Variants in ETV6 observed in about 807,000 individuals in gnomAD.
ETV6 encodes the protein ETS variant transcription factor 6, also known as transcription factor ETV6.
A neutral mutation model predicts 51.1 loss-of-function variants in ETV6; 16 were observed. The observed-to-expected ratio is 0.31, with a 90% CI of 0.21 to 0.48. The LOEUF (loss-of-function observed/expected upper bound fraction) is 0.48. Ranked by LOEUF, ETV6 falls within the 20% of genes least tolerant of loss-of-function variation. ETV6 has a pLI of 0.99. For synonymous variants in ETV6, 240 were observed against 224.1 expected, an observed-to-expected ratio of 1.07 and a Z score of -0.64; for missense variants, 458 against 594.8, an observed-to-expected ratio of 0.77 and a Z score of 2.39.
chr12:11,722,908 G>A (rs754065569), intron 1 of ETV6, among the ~76,000 whole-genome samples: 18 of 152,178 alleles, frequency 1.2e-4, no homozygotes, highest in Non-Finnish European at 1.6e-4. Flanking sequence ...TTGCTGGGCC[G>A]TTCTCTCAGA....
chr12:11,839,605 C>T (rs898034593), intron 3 of ETV6, among the ~76,000 whole-genome samples: 3 of 152,138 alleles, frequency 2.0e-5, no homozygotes, highest in Admixed American at 6.5e-5. Context: ...GAAGGCTGGC[C>T]GTGGTGGCTC....
At position 11,800,948 on chromosome 12, in the gene ETV6, T is replaced by C. The variant is rs571531091; in HGVS notation, c.164-38192T>C. ...CAAGAATTAAAAAGCAAGAATAGTTTGCAGCAAACATTTTCTGAGACTTTT... is the reference window on the plus strand; with the variant it reads ...CAAGAATTAAAAAGCAAGAATAGTTCGCAGCAAACATTTTCTGAGACTTTT... On this transcript the variant is annotated intron_variant, in intron 2 of 7. Transcript: ENST00000396373. Among the ~76,000 whole-genome samples, 5 of 152,306 alleles carry C rather than the reference T, an allele frequency of 3.3e-5. 1 individual carries two copies. In the South Asian group the frequency reaches 8.3e-4, roughly 25 times the overall value.
intron 4 of ETV6, among the ~76,000 whole-genome samples, chr12:11,862,185 A>G (rs1946727159): frequency 6.6e-6 from 1 of 152,184 alleles, no homozygotes; most frequent in African/African-American, 2.4e-5. Flanking sequence ...GAGCTTACCT[A>G]GGGTTTATTG....
chr12:11,722,375 T>C (rs1865404305), intron 1 of ETV6, among the ~76,000 whole-genome samples: 1 of 152,222 alleles, frequency 6.6e-6, no homozygotes, highest in African/African-American at 2.4e-5. Context: ...TCGCTTTGAA[T>C]AATTGAGTTA....
intron 1 of ETV6, among the ~76,000 whole-genome samples, chr12:11,732,340 T>G (rs1353229002): frequency 1.3e-5 from 2 of 152,106 alleles, no homozygotes; most frequent in African/African-American, 4.8e-5. Flanking sequence ...AAGTGTGATC[T>G]CAAATATTTC....
intron 1 of ETV6, among the ~76,000 whole-genome samples, chr12:11,735,905 G>A (rs1021365411): frequency 1.3e-5 from 2 of 152,202 alleles, no homozygotes; most frequent in Non-Finnish European, 2.9e-5. Context: ...CGGCCAGCTC[G>A]TCGCTTATTA....
intron 1 of ETV6, among the ~76,000 whole-genome samples, chr12:11,722,512 A>T (rs1444485441): frequency 6.6e-6 from 1 of 152,246 alleles, no homozygotes; most frequent in Non-Finnish European, 1.5e-5. Context: ...GGGGCACTGC[A>T]GCCTATTAAA....
chr12:11,736,812 C>T (rs1333917363), intron 1 of ETV6, among the ~76,000 whole-genome samples: 1 of 152,136 alleles, frequency 6.6e-6, no homozygotes, highest in Non-Finnish European at 1.5e-5. Context: ...ATCAGTAAGT[C>T]AGTAGATGGC....
At chr12:11,847,356 A>G (rs1013776861) in intron 3 of ETV6, among the ~76,000 whole-genome samples, 3 of 152,164 alleles carry the variant, frequency 2.0e-5, no homozygotes, top group Admixed American at 1.3e-4. Flanking sequence ...TACTTAGGAG[A>G]TCACGGAATG....
chr12:11,722,866 C>T (rs1456908456), intron 1 of ETV6, among the ~76,000 whole-genome samples: 1 of 152,210 alleles, frequency 6.6e-6, no homozygotes, highest in African/African-American at 2.4e-5. Flanking sequence ...TCTGGTGTTC[C>T]TCAGAATCAC....
At chr12:11,713,389 T>TTA (rs1479631220) in intron 1 of ETV6, among the ~76,000 whole-genome samples, 1 of 152,236 alleles carries the variant, frequency 6.6e-6, no homozygotes, top group Non-Finnish European at 1.5e-5. Flanking sequence ...TAAGATTAGA[T>TTA]TACTTGTTTT....
At chr12:11,689,253 G>A (rs1864698291) in intron 1 of ETV6, among the ~76,000 whole-genome samples, 1 of 152,076 alleles carries the variant, frequency 6.6e-6, no homozygotes, top group Non-Finnish European at 1.5e-5. Context: ...ATTTTATGCT[G>A]TTAGGGGATC....
At chr12:11,829,178 A>G (rs1946204312) in intron 2 of ETV6, among the ~76,000 whole-genome samples, 1 of 152,218 alleles carries the variant, frequency 6.6e-6, no homozygotes, top group Non-Finnish European at 1.5e-5. Context: ...CAGCTTCTGC[A>G]GCTCCAGGGA....
intron 2 of ETV6, among the ~76,000 whole-genome samples, chr12:11,795,410 C>CTT: frequency 6.6e-6 from 1 of 152,360 alleles, no homozygotes; most frequent in African/African-American, 2.4e-5. Flanking sequence ...AGAGCACCAG[C>CTT]TGTTCTGGCC....
At chr12:11,826,091 T>C (rs1189562424) in intron 2 of ETV6, among the ~76,000 whole-genome samples, 4 of 152,098 alleles carry the variant, frequency 2.6e-5, no homozygotes, top group Non-Finnish European at 4.4e-5. Context: ...TCACATTGGC[T>C]TCCCAAAGTG....
chr12:11,838,846 C>T (rs910406398), intron 2 of ETV6, among the ~76,000 whole-genome samples: 2 of 152,224 alleles, frequency 1.3e-5, no homozygotes, highest in Non-Finnish European at 2.9e-5. Context: ...CATAAAAGAT[C>T]TTTTTCTCAT....
chr12:11,812,431 G>A (rs1022365890), intron 2 of ETV6, among the ~76,000 whole-genome samples: 2 of 152,168 alleles, frequency 1.3e-5, no homozygotes, highest in African/African-American at 4.8e-5. Flanking sequence ...AACCAATGCA[G>A]TAAAACCCCT....
chr12:11,809,801 T>C (rs979048834), intron 2 of ETV6, among the ~76,000 whole-genome samples: 8 of 145,988 alleles, frequency 5.5e-5, no homozygotes, highest in Non-Finnish European at 1.0e-4. Context: ...GGGGAGGGAA[T>C]AGAGCTTCTG....
intron 1 of ETV6, among the ~76,000 whole-genome samples, chr12:11,663,757 T>TTGTGTGTG (rs59364007): frequency 6.6e-6 from 1 of 151,404 alleles, no homozygotes; most frequent in African/African-American, 2.4e-5. Context: ...TGTTGGTAGG[T>TTGTGTGTG]TGTGTGTGTG....
Sources: allele counts gnomAD v4.1 joint callset (sites outside exome capture counted in the v4.1 genomes callset), GRCh38; gene constraint gnomAD v4.1.1; transcripts MANE v1.5; gene names NCBI Gene and HGNC (gene_info 2026-07-23, HGNC 2026-07-21).